The following AGBL4 variants were observed in gnomAD, a reference collection of about 807,000 sequenced individuals.
AGBL4 encodes AGBL carboxypeptidase 4.
In AGBL4, 58 loss-of-function variants were observed where a neutral mutation model predicts 66.4. That is an observed-to-expected ratio of 0.87 (90% CI 0.71 to 1.09). The LOEUF is 1.09. Among genes scored for constraint, AGBL4 ranks in the 50% least tolerant of loss-of-function variants. The pLI, the probability that AGBL4 is intolerant of heterozygous loss-of-function variation, is 0.00. For missense variants in AGBL4, 579 were observed against 631.0 expected, an observed-to-expected ratio of 0.92 and a Z score of 0.88; for synonymous variants, 234 against 222.9, an observed-to-expected ratio of 1.05 and a Z score of -0.44.
intron 3 of AGBL4, among the ~76,000 whole-genome samples, chr1:49,404,530 A>G (rs1645155298): frequency 6.6e-6 from 1 of 152,202 alleles, no homozygotes; most frequent in Non-Finnish European, 1.5e-5. Flanking sequence ...AGCATTTATA[A>G]TAAGGTGCTG....
chr1:49,555,519 T>C (rs1202230187), intron 3 of AGBL4, among the ~76,000 whole-genome samples: 1 of 147,006 alleles, frequency 6.8e-6, no homozygotes, highest in Non-Finnish European at 1.5e-5. Flanking sequence ...GCTAAAGGCT[T>C]GTAAATGCAC....
chr1:49,371,248 G>GATACATACATACATAC (rs760739499), intron 3 of AGBL4, among the ~76,000 whole-genome samples: 31 of 137,974 alleles, frequency 2.2e-4, no homozygotes, highest in African/African-American at 7.6e-4. Flanking sequence ...TAGATAGATA[G>GATACATACATACATAC]ATACATACAT....
At chr1:49,200,180 G>A (rs956935712) in intron 4 of AGBL4, among the ~76,000 whole-genome samples, 2 of 152,010 alleles carry the variant, frequency 1.3e-5, no homozygotes, top group African/African-American at 4.8e-5. Flanking sequence ...AATTTGTGTG[G>A]GTACTGTCTT....
intron 4 of AGBL4, among the ~76,000 whole-genome samples, chr1:49,173,125 A>C (rs550151624): frequency 1.3e-5 from 2 of 152,208 alleles, no homozygotes; most frequent in Non-Finnish European, 2.9e-5. Context: ...GTCTCAAAAA[A>C]AAAAATAGTA....
chr1:49,448,507 C>T lies in AGBL4; in HGVS notation c.283-202643G>A, dbSNP rs140115739. 4.6e-5 allele frequency among the ~76,000 whole-genome samples: 7 copies of T among 152,268 alleles called. No homozygotes were observed. The East Asian group carries it at 1.4e-3, about 29-fold the overall frequency. On this transcript the variant is annotated intron_variant, in intron 3 of 13. Transcript: ENST00000371839. ...CTCTAGCATGGATAACTTGACATCACTTTATTTATCACTGTGGCCAGGAGA... is the reference window on the plus strand; with the variant it reads ...CTCTAGCATGGATAACTTGACATCATTTTATTTATCACTGTGGCCAGGAGA...
At chr1:49,210,640 A>T (rs981515356) in intron 4 of AGBL4, among the ~76,000 whole-genome samples, 3 of 152,194 alleles carry the variant, frequency 2.0e-5, no homozygotes. Context: ...AATCATTTTA[A>T]ATCTCCCCAA....
chr1:48,524,905 C>T, the AGBL4 span, among the ~76,000 whole-genome samples: 1 of 150,578 alleles, frequency 6.6e-6, no homozygotes, highest in Non-Finnish European at 1.5e-5. Context: ...AGTCTCACAA[C>T]TTCCTATATG....
At chr1:49,507,769 G>A (rs1648830446) in intron 3 of AGBL4, among the ~76,000 whole-genome samples, 1 of 151,770 alleles carries the variant, frequency 6.6e-6, no homozygotes, top group African/African-American at 2.4e-5. Context: ...GAATAAATAT[G>A]AGATAGATTA....
chr1:49,272,249 T>A (rs550894254), intron 3 of AGBL4, among the ~76,000 whole-genome samples: 29 of 152,164 alleles, frequency 1.9e-4, no homozygotes, highest in African/African-American at 7.0e-4. Flanking sequence ...TCCTTGATTT[T>A]AAAAAATCTA....
rs187074387 is a variant in AGBL4, at chr1:49,530,558, C to T, written c.282+166755G>A. 3.6e-3 allele frequency among the ~76,000 whole-genome samples: 553 copies of T among 152,086 alleles called. 4 individuals carry two copies. Among genetic ancestry groups the T allele is most frequent in the African/African-American group, 0.012 (500 of 41,528 alleles). The stretch of plus-strand genomic sequence containing the variant: ...TTTCATTTAAGTATATCCCAGCCAC[C>T]TCTCTGAAATAGTCTCTTAAAATCA... On this transcript the variant is annotated intron_variant, in intron 3 of 13. Coordinates refer to ENST00000371839, the MANE Select transcript of AGBL4 (RefSeq NM_032785.4).
chr1:49,419,700 A>C (rs930905586), intron 3 of AGBL4, among the ~76,000 whole-genome samples: 3 of 152,202 alleles, frequency 2.0e-5, no homozygotes, highest in Non-Finnish European at 4.4e-5. Context: ...CTCAGTGTTC[A>C]AATTTTTGCC....
At chr1:48,862,681 G>T (rs1647600372) in intron 6 of AGBL4, among the ~76,000 whole-genome samples, 1 of 152,190 alleles carries the variant, frequency 6.6e-6, no homozygotes, top group Non-Finnish European at 1.5e-5. Flanking sequence ...CAAATGGCAA[G>T]TGACTGAACC....
intron 6 of AGBL4, among the ~76,000 whole-genome samples, chr1:48,714,351 A>G (rs1249611714): frequency 1.2e-4 from 19 of 152,254 alleles, no homozygotes; most frequent in South Asian, 6.2e-4. Flanking sequence ...CTCCCAGCCA[A>G]TGATATCACT....
intron 10 of AGBL4, among the ~76,000 whole-genome samples, chr1:48,589,768 A>G (rs989629998): frequency 2.6e-5 from 4 of 152,214 alleles, no homozygotes; most frequent in Admixed American, 6.5e-5. Context: ...ATCGTCCAGC[A>G]ATTACAAAAA....
intron 5 of AGBL4, among the ~76,000 whole-genome samples, chr1:48,932,079 G>C (rs140407343): frequency 6.6e-6 from 1 of 152,252 alleles, no homozygotes; most frequent in African/African-American, 2.4e-5. Flanking sequence ...CTCTCCACCT[G>C]AGCAGTATGC....
At chr1:49,470,215 T>G (rs944032148) in intron 3 of AGBL4, among the ~76,000 whole-genome samples, 4 of 151,978 alleles carry the variant, frequency 2.6e-5, no homozygotes, top group Non-Finnish European at 5.9e-5. Flanking sequence ...TTGTCTTAGA[T>G]ATAATAGTAT....
chr1:48,826,963 A>G (rs1646439678), intron 6 of AGBL4, among the ~76,000 whole-genome samples: 1 of 152,100 alleles, frequency 6.6e-6, no homozygotes, highest in Non-Finnish European at 1.5e-5. Context: ...TTTCACCACT[A>G]TGCTTTTCCC....
At chr1:49,828,754 T>C (rs1042490757) in intron 2 of AGBL4, among the ~76,000 whole-genome samples, 3 of 151,958 alleles carry the variant, frequency 2.0e-5, no homozygotes, top group Non-Finnish European at 4.4e-5. Flanking sequence ...GAATAGATAA[T>C]GGGGGAGAAG....
chr1:48,965,317 G>C (rs1658328332), intron 5 of AGBL4, among the ~76,000 whole-genome samples: 1 of 152,112 alleles, frequency 6.6e-6, no homozygotes, highest in South Asian at 2.1e-4. Flanking sequence ...GCTTCATAAA[G>C]GAAGTAGCAT....
Sources: gnomAD v4.1 joint callset for allele counts (sites outside exome capture counted in the v4.1 genomes callset) on GRCh38, gnomAD v4.1.1 for gene constraint, MANE v1.5 for transcripts, NCBI Gene and HGNC (gene_info 2026-07-23, HGNC 2026-07-21) for gene names.